CFAP251: variants seen among roughly 807,000 people sequenced by gnomAD.
The protein encoded by CFAP251 is cilia and flagella associated protein 251.
CFAP251 carries 93 observed loss-of-function variants against 126.7 expected under a neutral mutation model. That is an observed-to-expected ratio of 0.73 (90% CI 0.62 to 0.87). The LOEUF is 0.87. Ranked by LOEUF, CFAP251 falls within the 40% of genes least tolerant of loss-of-function variation. The pLI is 0.00. For missense variants in CFAP251, 1,287 were observed against 1,389.2 expected (o/e 0.93, Z 1.17); for synonymous variants, 503 against 506.9 (o/e 0.99, Z 0.10).
At chr12:121,928,310 C>G (rs1485467372) in intron 3 of CFAP251, among the ~76,000 whole-genome samples, 1 of 151,830 alleles carries the variant, frequency 6.6e-6, no homozygotes, top group East Asian at 1.9e-4. Context: ...AATTATGATT[C>G]CATAATTCTA....
chr12:121,993,976 G>A lies in CFAP251; in HGVS notation c.3007-5740G>A, dbSNP rs1283848901. Among the ~76,000 whole-genome samples, 11 of 85,570 alleles carry A rather than the reference G, an allele frequency of 1.3e-4. 1 individual carries two copies. The highest frequency in any genetic ancestry group is 5.0e-4 in the Admixed American group (5 of 9,918). 56.1% of individuals were successfully genotyped at this position (85,570 alleles called of 152,430 possible). ...GCACCCCGTCCGGGAGGGAGGTGGG[G>A]GGGTCAGCCCCCCGCCCGGCCAGCC... On this transcript the variant is annotated intron_variant, in intron 19 of 21. Coordinates refer to ENST00000288912, the MANE Select transcript of CFAP251 (RefSeq NM_144668.6).
chr12:121,921,288 G>A lies in CFAP251; in HGVS notation c.-18G>A, dbSNP rs761856531. 3 of 1,555,320 alleles carry A rather than the reference G, an allele frequency of 1.9e-6. No homozygotes were observed. The East Asian group carries it at 6.7e-5, about 35-fold the overall frequency. On this transcript the variant is annotated splice_region_variant and 5_prime_UTR_variant, in exon 2 of 22. Coordinates refer to ENST00000288912, the MANE Select transcript of CFAP251 (RefSeq NM_144668.6). ...TATTATGGTCAAAATCTCTCTAGAG[G>A]AAACTCTACAGAGAAGAATGTCAGA...
chr12:121,953,611 T>C (rs1041677840), intron 9 of CFAP251: 1 of 153,582 alleles, frequency 6.5e-6, no homozygotes, highest in Non-Finnish European at 1.5e-5. Flanking sequence ...TGTGTTCAAG[T>C]CAGAAGAGGT....
intron 3 of CFAP251, among the ~76,000 whole-genome samples, chr12:121,929,315 A>C (rs930682215): frequency 2.8e-5 from 4 of 145,264 alleles, no homozygotes; most frequent in African/African-American, 1.0e-4. Flanking sequence ...GCGAGACTCC[A>C]TCTCAAAAAA....
intron 9 of CFAP251, chr12:121,953,481 G>A (rs539444576): frequency 1.3e-5 from 2 of 152,330 alleles, no homozygotes; most frequent in African/African-American, 2.4e-5. Context: ...AGGTAAATTC[G>A]CAAATACAGA....
At chr12:121,976,959 T>G (rs1882475825) in intron 19 of CFAP251, among the ~76,000 whole-genome samples, 1 of 152,244 alleles carries the variant, frequency 6.6e-6, no homozygotes, top group African/African-American at 2.4e-5. Flanking sequence ...CTTCTGACTT[T>G]TATTAATATT....
chr12:121,956,427 A>T (rs1380536243), intron 10 of CFAP251, among the ~76,000 whole-genome samples: 1 of 152,182 alleles, frequency 6.6e-6, no homozygotes, highest in Non-Finnish European at 1.5e-5. Flanking sequence ...TGGCCCTGAT[A>T]AAATTGCCAG....
chr12:121,949,231 C>T (rs572356926), intron 8 of CFAP251, 170 bp downstream of exon 8: 14 of 360,972 alleles, frequency 3.9e-5, no homozygotes, highest in Non-Finnish European at 4.0e-5. Flanking sequence ...TAGAAATTAG[C>T]ATATTAAATC....
chr12:121,956,379 T>C (rs1165754191), intron 10 of CFAP251, among the ~76,000 whole-genome samples: 2 of 152,224 alleles, frequency 1.3e-5, no homozygotes, highest in Admixed American at 1.3e-4. Flanking sequence ...TGGACTTTGC[T>C]TTAGATATAC....
chr12:121,982,058 T>C (rs1882635149), intron 19 of CFAP251, among the ~76,000 whole-genome samples: 1 of 152,210 alleles, frequency 6.6e-6, no homozygotes, highest in Non-Finnish European at 1.5e-5. Context: ...AGAAGCCCTT[T>C]ATGAGAATGT....
At chr12:121,971,761 G>A in intron 17 of CFAP251, 1 of 606,764 alleles carries the variant, frequency 1.6e-6, no homozygotes, top group South Asian at 1.8e-5. Context: ...TTTGTGATAT[G>A]GTTTGGCTCT....
At chr12:121,926,673 G>T (rs994294848) in intron 3 of CFAP251, among the ~76,000 whole-genome samples, 2 of 152,152 alleles carry the variant, frequency 1.3e-5, no homozygotes, top group Non-Finnish European at 2.9e-5. Context: ...GGCCGGGCGC[G>T]GTGGCTCACA....
chr12:121,937,660 G>A (rs1220638249), intron 5 of CFAP251, among the ~76,000 whole-genome samples: 2 of 152,198 alleles, frequency 1.3e-5, no homozygotes, highest in Non-Finnish European at 2.9e-5. Flanking sequence ...AGTTCAACAA[G>A]TGAGTCCAGA....
At position 121,958,354 on chromosome 12, in the gene CFAP251, C is replaced by G. The variant is rs1381535312; in HGVS notation, c.1813C>G (p.Pro605Ala). The G allele has an allele frequency of 6.2e-7, 1 of 1,614,216 alleles. No individual in the cohort carries two copies. Among genetic ancestry groups the G allele is most frequent in the Admixed American group, 1.7e-5 (1 of 60,022 alleles). Residue 605 changes from proline (P) to alanine (A), a missense_variant, in exon 12 of 22, where the codon CCC (proline) becomes GCC (alanine). Physicochemically the swap from Pro to Ala is conservative, Grantham distance 27. Coordinates refer to ENST00000288912, the MANE Select transcript of CFAP251 (RefSeq NM_144668.6). ...CAAACTTGAGAAGTTATTTGTAGAG[C>G]CCAAGGATGCCATTTGTGCCATCTC... Reference protein sequence around the residue: ...GTKLEKLFVEPKDAICAISCH... With the variant: ...GTKLEKLFVEAKDAICAISCH...
intron 14 of CFAP251, 118 bp downstream of exon 14, chr12:121,960,876 T>A: frequency 8.1e-7 from 1 of 1,236,798 alleles, no homozygotes; most frequent in Non-Finnish European, 1.1e-6. Flanking sequence ...AGAAAATGAA[T>A]GCACAGTGAA....
At chr12:121,977,005 T>TAA (rs534087140) in intron 19 of CFAP251, among the ~76,000 whole-genome samples, 21 of 152,372 alleles carry the variant, frequency 1.4e-4, no homozygotes, top group Non-Finnish European at 2.8e-4. Flanking sequence ...ATCATATATA[T>TAA]AATCATGCAT....
chr12:121,932,199 A>G (rs1439463813), intron 4 of CFAP251: 1 of 171,478 alleles, frequency 5.8e-6, no homozygotes, highest in African/African-American at 2.4e-5. Flanking sequence ...CACAAAGGGC[A>G]GCTATTCAGC....
At chr12:121,965,926 G>A (rs1226834493) in intron 15 of CFAP251, among the ~76,000 whole-genome samples, 1 of 148,496 alleles carries the variant, frequency 6.7e-6, no homozygotes, top group Non-Finnish European at 1.5e-5. Flanking sequence ...CTCAAACAAT[G>A]CTCCCACCTT....
At chr12:121,975,998 G>T (rs941302888) in intron 19 of CFAP251, among the ~76,000 whole-genome samples, 1 of 151,446 alleles carries the variant, frequency 6.6e-6, no homozygotes, top group Non-Finnish European at 1.5e-5. Flanking sequence ...GACCAGCCTC[G>T]TAGGATTTTT....
Sources: allele counts gnomAD v4.1 joint callset (sites outside exome capture counted in the v4.1 genomes callset), GRCh38; gene constraint gnomAD v4.1.1; transcripts MANE v1.5; gene names NCBI Gene and HGNC (gene_info 2026-07-23, HGNC 2026-07-21).